FGF14: variants seen among roughly 807,000 people sequenced by gnomAD.
FGF14 encodes the protein fibroblast growth factor homologous factor 4.
FGF14 carries 5 observed loss-of-function variants against 25.5 expected under a neutral mutation model. The ratio of observed to expected loss-of-function variants is 0.20; its 90% confidence interval spans 0.10 to 0.41. FGF14 has a LOEUF of 0.41. Among genes scored for constraint, FGF14 ranks in the 10% least tolerant of loss-of-function variants. The pLI is 1.00. For synonymous variants in FGF14, 138 were observed against 118.3 expected (o/e 1.17, Z -1.08); for missense variants, 222 against 320.1 (o/e 0.69, Z 2.34).
In FGF14 at chr13:102,236,613, G is replaced by C. The variant is rs887337236; in HGVS notation, c.208+164858C>G. ...GAAAGAAGAGCCTGATCTCGGGCTAGTGCCTGGTTTCCCTCCCCCAGGACT... is the reference window on the plus strand; with the variant it reads ...GAAAGAAGAGCCTGATCTCGGGCTACTGCCTGGTTTCCCTCCCCCAGGACT... On this transcript the variant is annotated intron_variant, in intron 1 of 4. Transcript: ENST00000376131. Among the ~76,000 whole-genome samples the C allele has an allele frequency of 1.2e-4, 19 of 152,272 alleles. No individual in the cohort carries two copies. In the East Asian group the frequency reaches 3.5e-3, roughly 28 times the overall value.
chr13:101,924,597 C>T (rs1016593415), intron 1 of FGF14, among the ~76,000 whole-genome samples: 6 of 152,092 alleles, frequency 3.9e-5, no homozygotes, highest in South Asian at 2.1e-4. Flanking sequence ...GAGAATATTT[C>T]GGTCATAATT....
chr13:102,369,414 G>A (rs1375226330), intron 1 of FGF14, among the ~76,000 whole-genome samples: 1 of 152,234 alleles, frequency 6.6e-6, no homozygotes, highest in Admixed American at 6.5e-5. Context: ...GAATACAGGT[G>A]TGGTGTCTCA....
chr13:101,971,107 A>G (rs1487744758), intron 1 of FGF14, among the ~76,000 whole-genome samples: 2 of 152,210 alleles, frequency 1.3e-5, no homozygotes, highest in Admixed American at 1.3e-4. Flanking sequence ...CTTCACCCCA[A>G]TAGATCCTAG....
At chr13:102,115,556 A>G (rs951247874) in intron 1 of FGF14, among the ~76,000 whole-genome samples, 2 of 152,106 alleles carry the variant, frequency 1.3e-5, no homozygotes, top group African/African-American at 4.8e-5. Flanking sequence ...TCCTTTGCCC[A>G]TTTGTTAACG....
At chr13:101,797,444 G>C (rs1418047278) in intron 3 of FGF14, among the ~76,000 whole-genome samples, 1 of 152,006 alleles carries the variant, frequency 6.6e-6, no homozygotes, top group Non-Finnish European at 1.5e-5. Context: ...ACATAAACAG[G>C]GGTCAATTTT....
intron 1 of FGF14, among the ~76,000 whole-genome samples, chr13:102,004,037 C>T (rs1420973802): frequency 6.6e-6 from 1 of 152,080 alleles, no homozygotes; most frequent in African/African-American, 2.4e-5. Context: ...AGGAAAGTTG[C>T]CAAGTTGATT....
At chr13:101,964,254 AT>A (rs36031578) in intron 1 of FGF14, among the ~76,000 whole-genome samples, 21,356 of 151,770 alleles carry the variant, frequency 0.14, 1,915 homozygotes, top group East Asian at 0.29. Flanking sequence ...AGTTGTAAAG[AT>A]TTTTTTTTAA....
At chr13:102,301,178 A>T (rs2138570371) in intron 1 of FGF14, among the ~76,000 whole-genome samples, 1 of 152,296 alleles carries the variant, frequency 6.6e-6, no homozygotes, top group African/African-American at 2.4e-5. Context: ...AGTTTCATCC[A>T]TCTACTTAAT....
chr13:101,798,332 T>G (rs7993302), intron 3 of FGF14, among the ~76,000 whole-genome samples: 132,881 of 152,136 alleles, frequency 0.87, 60,821 homozygotes, highest in East Asian at 1. Flanking sequence ...AGAATTTGTT[T>G]TCTAATTAAT....
intron 1 of FGF14, among the ~76,000 whole-genome samples, chr13:101,953,570 G>GTGTGTGTGTGTGTATATA (rs532696085): frequency 7.2e-6 from 1 of 138,074 alleles, no homozygotes; most frequent in African/African-American, 2.5e-5. Flanking sequence ...GTGTGTGTGT[G>GTGTGTGTGTGTGTATATA]TATATATATA....
chr13:102,213,897 A>G (rs2050260710), intron 1 of FGF14, among the ~76,000 whole-genome samples: 1 of 152,156 alleles, frequency 6.6e-6, no homozygotes, highest in Non-Finnish European at 1.5e-5. Context: ...AGTCTATGGT[A>G]CTAATAGGTA....
intron 1 of FGF14, among the ~76,000 whole-genome samples, chr13:102,126,704 A>T (rs2045963016): frequency 6.6e-6 from 1 of 152,202 alleles, no homozygotes; most frequent in Non-Finnish European, 1.5e-5. Context: ...TTAAATACCA[A>T]CAGTAATCTT....
At position 101,788,533 on chromosome 13, in the gene FGF14, C is replaced by T. The variant is rs140413310; in HGVS notation, c.409-61723G>A. Among the ~76,000 whole-genome samples the T allele has an allele frequency of 3.1e-3, 464 of 151,932 alleles. 2 individuals carry two copies. Among genetic ancestry groups the T allele is most frequent in the African/African-American group, 0.011 (439 of 41,416 alleles). ...AATGCTGGATTAATTTATTATGAAC[C>T]GGAAGCATGTTGTTGTAAGAGAGAC... On this transcript the variant is annotated intron_variant, in intron 3 of 4. Transcript: ENST00000376143.
intron 1 of FGF14, among the ~76,000 whole-genome samples, chr13:101,943,998 CAAAA>C (rs58695952): frequency 0.072 from 6,183 of 85,322 alleles, 487 homozygotes; most frequent in African/African-American, 0.18. Flanking sequence ...AACTCCGTCT[CAAAA>C]AAAAAAAAAA....
At chr13:102,245,913 C>A (rs76468595) in intron 1 of FGF14, among the ~76,000 whole-genome samples, 1,702 of 152,192 alleles carry the variant, frequency 0.011, 20 homozygotes, top group Middle Eastern at 0.02. Flanking sequence ...ACAAACTTAG[C>A]AGCTTACAGT....
At chr13:102,378,005 G>A (rs573202793) in intron 1 of FGF14, among the ~76,000 whole-genome samples, 18 of 152,216 alleles carry the variant, frequency 1.2e-4, no homozygotes, top group Non-Finnish European at 2.2e-4. Context: ...AGAAGACTCA[G>A]TGACAGAACA....
intron 1 of FGF14, among the ~76,000 whole-genome samples, chr13:102,221,653 A>C (rs1458982295): frequency 1.3e-5 from 2 of 151,838 alleles, no homozygotes; most frequent in African/African-American, 2.4e-5. Flanking sequence ...CACAGATTTT[A>C]AGTGAAAATG....
rs750556174 is a variant in FGF14 at position 101,719,018 on chromosome 13, T to A, written c.*3813A>T. 1 of 152,100 alleles carries A rather than the reference T, an allele frequency of 6.6e-6. No homozygotes were observed. The highest frequency in any genetic ancestry group is 1.5e-5 in the Non-Finnish European group (1 of 68,016). The allele number at this position is 152,100 out of a possible 1,614,324, so 9.4% of individuals were successfully genotyped here. A position where few individuals can be genotyped will look rare whatever the true frequency, so the allele number is the denominator to read the frequency against. ...ATTTAGCCCAGTCGCTTTCCCTTGA[T>A]ATAGCCTTGTTCTGAATTAAAATGG... On this transcript the variant is annotated 3_prime_UTR_variant, in exon 5 of 5. Transcript: ENST00000376143.
At chr13:102,305,128 G>T (rs2055302279) in intron 1 of FGF14, among the ~76,000 whole-genome samples, 1 of 152,102 alleles carries the variant, frequency 6.6e-6, no homozygotes, top group African/African-American at 2.4e-5. Flanking sequence ...AAATGTATTG[G>T]ATATATAAAA....
Sources: gnomAD v4.1 joint callset for allele counts (sites outside exome capture counted in the v4.1 genomes callset) on GRCh38, gnomAD v4.1.1 for gene constraint, MANE v1.5 for transcripts, NCBI Gene and HGNC (gene_info 2026-07-23, HGNC 2026-07-21) for gene names.